Variants in SUGCT observed in about 807,000 individuals in gnomAD.
SUGCT encodes succinyl-CoA:glutarate-CoA transferase.
In SUGCT, 41 loss-of-function variants were observed where a neutral mutation model predicts 55.0. The observed-to-expected ratio is 0.74, with a 90% confidence interval of 0.58 to 0.97. SUGCT has a LOEUF of 0.97. Ranked by LOEUF, SUGCT falls within the 50% of genes least tolerant of loss-of-function variation. The pLI is 0.00. For synonymous variants in SUGCT, 187 were observed against 200.4 expected (o/e 0.93, Z 0.56); for missense variants, 568 against 547.8 (o/e 1.04, Z -0.37).
chr7:40,276,990 A>G (rs1164830815), intron 8 of SUGCT, among the ~76,000 whole-genome samples: 1 of 152,160 alleles, frequency 6.6e-6, no homozygotes, highest in Admixed American at 6.5e-5. Context: ...TGTGAGAACT[A>G]CTGTTACCAG....
chr7:40,402,547 G>A (rs1043605042), intron 9 of SUGCT, among the ~76,000 whole-genome samples: 1 of 151,366 alleles, frequency 6.6e-6, no homozygotes, highest in Non-Finnish European at 1.5e-5. Flanking sequence ...GCAATACAAA[G>A]TCAGTGAAAT....
At chr7:40,904,966 C>T in the SUGCT span, among the ~76,000 whole-genome samples, 2 of 152,072 alleles carry the variant, frequency 1.3e-5, no homozygotes, top group Admixed American at 6.6e-5. Flanking sequence ...AAACAAGTGG[C>T]GGATGGCATT....
intron 6 of SUGCT, among the ~76,000 whole-genome samples, chr7:40,218,661 C>G (rs1787819296): frequency 6.6e-6 from 1 of 150,422 alleles, no homozygotes; most frequent in Admixed American, 6.6e-5. Flanking sequence ...ACTTTTCTGT[C>G]TAGCTAGAGG....
At chr7:40,868,910 A>G in the SUGCT span, among the ~76,000 whole-genome samples, 1 of 152,214 alleles carries the variant, frequency 6.6e-6, no homozygotes, top group Admixed American at 6.5e-5. Flanking sequence ...TTTACAAAAA[A>G]TGCCAAAAAT....
chr7:40,807,195 AT>A (rs1791147115), intron 13 of SUGCT, among the ~76,000 whole-genome samples: 1 of 152,226 alleles, frequency 6.6e-6, no homozygotes, highest in South Asian at 2.1e-4. Flanking sequence ...TGTTATTTAC[AT>A]TTTTCAGAGA....
intron 7 of SUGCT, among the ~76,000 whole-genome samples, chr7:40,246,799 A>G (rs931249171): frequency 2.6e-5 from 4 of 151,060 alleles, no homozygotes; most frequent in African/African-American, 7.3e-5. Context: ...AGGTTTTGCC[A>G]TGTTGGCCAG....
intron 12 of SUGCT, among the ~76,000 whole-genome samples, chr7:40,499,969 A>G (rs1361483492): frequency 1.3e-5 from 2 of 152,190 alleles, no homozygotes; most frequent in Admixed American, 6.5e-5. Flanking sequence ...AAGAAAATAC[A>G]GCTTTTAATA....
chr7:40,198,361 T>C (rs1786405504), intron 6 of SUGCT, among the ~76,000 whole-genome samples: 1 of 152,236 alleles, frequency 6.6e-6, no homozygotes, highest in Admixed American at 6.5e-5. Flanking sequence ...GATTTTGTAA[T>C]TAGGTGACAC....
At chr7:40,354,013 A>G (rs1450529632) in intron 9 of SUGCT, among the ~76,000 whole-genome samples, 3 of 152,168 alleles carry the variant, frequency 2.0e-5, no homozygotes, top group Non-Finnish European at 4.4e-5. Flanking sequence ...TTTTTAATAG[A>G]TAGATGTATT....
At chr7:40,898,162 A>G in the SUGCT span, among the ~76,000 whole-genome samples, 15 of 148,682 alleles carry the variant, frequency 1.0e-4, no homozygotes, top group African/African-American at 3.9e-4. Flanking sequence ...GTAGTGATGA[A>G]CTTAAGTCGG....
chr7:40,432,990 T>A (rs935320550), intron 9 of SUGCT, among the ~76,000 whole-genome samples: 1 of 152,136 alleles, frequency 6.6e-6, no homozygotes, highest in Non-Finnish European at 1.5e-5. Context: ...TATTCTCTTT[T>A]TTCATTCTTT....
intron 1 of SUGCT, among the ~76,000 whole-genome samples, chr7:40,144,613 G>T (rs1241436694): frequency 1.3e-5 from 2 of 152,148 alleles, no homozygotes; most frequent in South Asian, 4.2e-4. Context: ...AATTCTAGGG[G>T]TGGTACCTGT....
chr7:40,858,736 C>T (rs746287067), intron 13 of SUGCT, among the ~76,000 whole-genome samples: 35 of 152,268 alleles, frequency 2.3e-4, no homozygotes, highest in Non-Finnish European at 4.4e-4. Context: ...TGAAAAGGGA[C>T]AAACCCTTGA....
intron 12 of SUGCT, among the ~76,000 whole-genome samples, chr7:40,629,858 CT>C (rs1414185690): frequency 1.3e-4 from 20 of 152,126 alleles, no homozygotes; most frequent in African/African-American, 4.8e-4. Flanking sequence ...TTGAAAAGAT[CT>C]GTTAATCCAC....
At chr7:40,255,431 G>C (rs1322622591) in intron 7 of SUGCT, among the ~76,000 whole-genome samples, 1 of 151,410 alleles carries the variant, frequency 6.6e-6, no homozygotes, top group Non-Finnish European at 1.5e-5. Flanking sequence ...GGAGGCCGGG[G>C]CCGGCTGTTC....
intron 11 of SUGCT, among the ~76,000 whole-genome samples, chr7:40,465,204 A>G (rs371294634): frequency 1.3e-5 from 2 of 152,162 alleles, no homozygotes; most frequent in African/African-American, 4.8e-5. Flanking sequence ...TTAATTGTCT[A>G]TTTACTTATT....
the SUGCT span, among the ~76,000 whole-genome samples, chr7:40,942,051 G>A: frequency 6.6e-6 from 1 of 152,084 alleles, no homozygotes; most frequent in Non-Finnish European, 1.5e-5. Flanking sequence ...GCAGCATTTA[G>A]ACCACATTTA....
chr7:40,735,866 G>A (rs1380905773), intron 12 of SUGCT, among the ~76,000 whole-genome samples: 2 of 151,916 alleles, frequency 1.3e-5, no homozygotes, highest in African/African-American at 2.4e-5. Flanking sequence ...CCTATATATA[G>A]GACAGTAATT....
In SUGCT at chr7:40,724,911, A is replaced by G. The variant is rs141717413; in HGVS notation, c.1090-24523A>G. ...AAAAGTAAATTCCTTTTAAACATCT[A>G]TTCTGCTGCTGTAGAAGGGGACTTT... is the stretch of plus-strand genomic sequence containing the variant. On this transcript the variant is annotated intron_variant, in intron 12 of 13. Transcript: ENST00000335693. Among the ~76,000 whole-genome samples, 30 of 152,292 alleles carry G rather than the reference A, an allele frequency of 2.0e-4. No individual in the cohort carries two copies. The East Asian group carries it at 5.0e-3, about 26-fold the overall frequency.
Sources: gnomAD v4.1 joint callset for allele counts (sites outside exome capture counted in the v4.1 genomes callset) on GRCh38, gnomAD v4.1.1 for gene constraint, MANE v1.5 for transcripts, NCBI Gene and HGNC (gene_info 2026-07-23, HGNC 2026-07-21) for gene names.